ANK3: variants seen among roughly 807,000 people sequenced by gnomAD.
ANK3 encodes the protein ankyrin 3, also known as ankyrin-3.
ANK3 carries 57 observed loss-of-function variants against 370.9 expected under a neutral mutation model. That is an observed-to-expected ratio of 0.15 (90% CI 0.12 to 0.19). ANK3 has a LOEUF of 0.19. Ranked by LOEUF, ANK3 falls within the 10% of genes least tolerant of loss-of-function variation. The pLI is 1.00. For synonymous variants in ANK3, 1,929 were observed against 1,946.3 expected, an observed-to-expected ratio of 0.99 and a Z score of 0.23; for missense variants, 4,439 against 5,302.1, an observed-to-expected ratio of 0.84 and a Z score of 5.06.
chr10:60,324,468 G>C (rs2049356029), intron 1 of ANK3, among the ~76,000 whole-genome samples: 1 of 152,156 alleles, frequency 6.6e-6, no homozygotes, highest in Admixed American at 6.5e-5. Flanking sequence ...CTCAGTGACA[G>C]TGTCCCTTTA....
intron 2 of ANK3, among the ~76,000 whole-genome samples, chr10:60,450,675 A>G (rs1245509500): frequency 6.6e-6 from 1 of 152,200 alleles, no homozygotes; most frequent in African/African-American, 2.4e-5. Flanking sequence ...TAGAGGATAA[A>G]ACAGGAAATG....
intron 42 of ANK3, among the ~76,000 whole-genome samples, chr10:60,053,937 C>T (rs1296585245): frequency 1.3e-5 from 2 of 152,098 alleles, no homozygotes; most frequent in African/African-American, 2.4e-5. Context: ...TAATAGGACT[C>T]GAAACCAATA....
chr10:60,295,805 T>C (rs747419825), intron 1 of ANK3, among the ~76,000 whole-genome samples: 1 of 152,208 alleles, frequency 6.6e-6, no homozygotes, highest in Non-Finnish European at 1.5e-5. Context: ...GGCAATCTTG[T>C]TACATGCTAA....
At chr10:60,654,304 TC>T (rs1564495266) in intron 1 of ANK3, among the ~76,000 whole-genome samples, 1 of 152,188 alleles carries the variant, frequency 6.6e-6, no homozygotes, top group Admixed American at 6.5e-5. Context: ...ATTTTATTTT[TC>T]TTGCTTTACT....
chr10:60,176,628 C>T (rs1287258676), intron 18 of ANK3, among the ~76,000 whole-genome samples: 3 of 151,886 alleles, frequency 2.0e-5, no homozygotes, highest in South Asian at 4.2e-4. Flanking sequence ...CCAGGCGTGG[C>T]GGTGCCTGTA....
intron 28 of ANK3, among the ~76,000 whole-genome samples, chr10:60,089,458 GT>G (rs1233021873): frequency 6.8e-5 from 8 of 117,184 alleles, no homozygotes; most frequent in African/African-American, 2.6e-4. Flanking sequence ...GTCCATCCAG[GT>G]TGTGTGTGTG....
At chr10:60,393,508 T>C (rs2063155277), upstream of ANK3, among the ~76,000 whole-genome samples, 1 of 152,168 alleles carries the variant, frequency 6.6e-6, no homozygotes, top group Admixed American at 6.5e-5. Context: ...TATGGAGTAA[T>C]GGGCATACTC....
intron 1 of ANK3, among the ~76,000 whole-genome samples, chr10:60,671,796 A>G (rs550454764): frequency 2.6e-5 from 4 of 152,362 alleles, no homozygotes; most frequent in East Asian, 3.9e-4. Flanking sequence ...AAGCAGCCCA[A>G]TGGAGAATTC....
chr10:60,497,261 C>T (rs2075682811), intron 2 of ANK3, among the ~76,000 whole-genome samples: 1 of 151,948 alleles, frequency 6.6e-6, no homozygotes, highest in Non-Finnish European at 1.5e-5. Flanking sequence ...ACACTTCAGC[C>T]TAGGTGACAG....
intron 8 of ANK3, among the ~76,000 whole-genome samples, chr10:60,227,126 C>G (rs188064486): frequency 6.6e-6 from 1 of 151,918 alleles, no homozygotes; most frequent in East Asian, 1.9e-4. Flanking sequence ...TTGTATGAAA[C>G]AGTCTTTGTT....
At chr10:60,368,542 C>T (rs1197338276) in intron 1 of ANK3, among the ~76,000 whole-genome samples, 1 of 152,120 alleles carries the variant, frequency 6.6e-6, no homozygotes, top group Admixed American at 6.5e-5. Flanking sequence ...AGGGAGTATA[C>T]ACCACACAAA....
intron 42 of ANK3, chr10:60,051,689 C>A (rs1589272194): frequency 2.2e-5 from 6 of 276,098 alleles, no homozygotes; most frequent in Admixed American, 2.1e-4. Context: ...TTTTTGCCGA[C>A]TAAAGAAAAC....
At chr10:60,400,771 C>T (rs959545010) in intron 2 of ANK3, among the ~76,000 whole-genome samples, 3 of 151,930 alleles carry the variant, frequency 2.0e-5, no homozygotes, top group African/African-American at 7.3e-5. Flanking sequence ...CACAGGTAAA[C>T]GTGTGCCATG....
intron 2 of ANK3, among the ~76,000 whole-genome samples, chr10:60,523,441 C>G (rs1041900779): frequency 7.7e-6 from 1 of 130,218 alleles, no homozygotes; most frequent in Non-Finnish European, 1.6e-5. Flanking sequence ...CTTCTTGTGT[C>G]CATGTGTTCT....
At chr10:60,168,179 C>A (rs777062747) in intron 21 of ANK3, among the ~76,000 whole-genome samples, 4 of 152,128 alleles carry the variant, frequency 2.6e-5, no homozygotes, top group Admixed American at 6.5e-5. Flanking sequence ...ACGTGCATGG[C>A]CACGCCCAGC....
At chr10:60,366,499 T>C (rs543848321) in intron 1 of ANK3, among the ~76,000 whole-genome samples, 107 of 152,286 alleles carry the variant, frequency 7.0e-4, no homozygotes, top group African/African-American at 2.2e-3. Flanking sequence ...TAGACCTTTC[T>C]TTCCTGCTTT....
At chr10:60,370,038 T>C (rs1414812532) in intron 1 of ANK3, among the ~76,000 whole-genome samples, 2 of 152,182 alleles carry the variant, frequency 1.3e-5, no homozygotes, top group Admixed American at 6.5e-5. Context: ...AGGTATTTTA[T>C]AAAAAGATCA....
chr10:60,217,136 T>G (rs1157390694), intron 8 of ANK3, among the ~76,000 whole-genome samples: 1 of 152,180 alleles, frequency 6.6e-6, no homozygotes, highest in Non-Finnish European at 1.5e-5. Flanking sequence ...TTTTATTGTC[T>G]ATTTGATTCT....
At chr10:60,363,599 C>T (rs1156965602) in intron 1 of ANK3, among the ~76,000 whole-genome samples, 1 of 152,242 alleles carries the variant, frequency 6.6e-6, no homozygotes, top group Admixed American at 6.5e-5. Flanking sequence ...CAGGGCAACA[C>T]TTCTCCGACT....
Sources: allele counts gnomAD v4.1 joint callset (sites outside exome capture counted in the v4.1 genomes callset), GRCh38; gene constraint gnomAD v4.1.1; transcripts MANE v1.5; gene names NCBI Gene and HGNC (gene_info 2026-07-23, HGNC 2026-07-21).